The following SHROOM4 variants were observed in gnomAD, a reference collection of about 807,000 sequenced individuals.
The protein encoded by SHROOM4 is shroom family member 4.
Under a neutral mutation model 80.3 loss-of-function variants are expected in SHROOM4, and 17 were observed. The ratio of observed to expected loss-of-function variants is 0.21; its 90% CI spans 0.14 to 0.32. The LOEUF is 0.32. Ranked by LOEUF, SHROOM4 falls within the 10% of genes least tolerant of loss-of-function variation. The pLI is 1.00. For synonymous variants in SHROOM4, 400 were observed against 437.5 expected, an observed-to-expected ratio of 0.91 and a Z score of 1.07; for missense variants, 993 against 1,140.3, an observed-to-expected ratio of 0.87 and a Z score of 1.86.
chrX:50,624,197 G>T (rs782426068), intron 5 of SHROOM4, among the ~76,000 whole-genome samples: 1 of 111,918 alleles, frequency 8.9e-6, no homozygotes, highest in Non-Finnish European at 1.9e-5. Context: ...ACACTTAAAA[G>T]CTGCTTGCAT....
In SHROOM4 at chrX:50,774,056, A is replaced by G. The variant is rs193253793; in HGVS notation, c.117+39846T>C. 5.0e-4 allele frequency among the ~76,000 whole-genome samples: 56 copies of G among 112,015 alleles called. 1 individual carries two copies. The highest frequency in any genetic ancestry group is 6.8e-4 in the Non-Finnish European group (36 of 53,175). On this transcript the variant is annotated intron_variant, in intron 1 of 8. Transcript: ENST00000376020. ...CTCTCTTTTGAGGTTGAATACAGGC[A>G]AGAAGGGCTAGCCTACAAAATAAGC...
chrX:50,650,642 G>A (rs1300642634), intron 2 of SHROOM4, among the ~76,000 whole-genome samples: 1 of 111,452 alleles, frequency 9.0e-6, no homozygotes, highest in Non-Finnish European at 1.9e-5. Context: ...ATAGGCGTGA[G>A]CCACCGCAAC....
At chrX:50,800,422 G>A (rs1267945225) in intron 1 of SHROOM4, among the ~76,000 whole-genome samples, 1 of 111,954 alleles carries the variant, frequency 8.9e-6, no homozygotes, top group Non-Finnish European at 1.9e-5. Context: ...GACAGCCAAA[G>A]TACCCAAAGA....
intron 1 of SHROOM4, among the ~76,000 whole-genome samples, chrX:50,779,726 G>T (rs1362160416): frequency 8.9e-6 from 1 of 111,967 alleles, no homozygotes; most frequent in Non-Finnish European, 1.9e-5. Flanking sequence ...CCTGGACATT[G>T]CTATCTCTGG....
At chrX:50,579,787 G>A in the SHROOM4 span, among the ~76,000 whole-genome samples, 33 of 111,626 alleles carry the variant, frequency 3.0e-4, no homozygotes, top group African/African-American at 9.8e-4. Flanking sequence ...ATAGTGTGAG[G>A]AGGTGCTTGC....
chrX:50,607,385 C>T lies in SHROOM4; in HGVS notation c.3757G>A (p.Ala1253Thr), dbSNP rs143812034. The T allele has an allele frequency of 1.1e-5, 13 of 1,208,687 alleles. No homozygotes were observed. Among genetic ancestry groups the T allele is most frequent in the Admixed American group, 8.8e-5 (4 of 45,668 alleles). ...GTATCTTTCATATGTACTTACTTGG[C>T]GGATTCAGTGGCTTCCTGTCCCGAT... ...RTSGQEATES[A>T]KQEFQHFSPP... Residue 1253 changes from alanine (A) to threonine (T), a missense_variant, in exon 6 of 9, where the codon GCC (alanine) becomes ACC (threonine). Ala to Thr is a moderately conservative substitution (Grantham distance 58). Coordinates refer to ENST00000376020, the MANE Select transcript of SHROOM4 (RefSeq NM_020717.5).
At chrX:50,621,044 C>T (rs1437427161) in intron 5 of SHROOM4, among the ~76,000 whole-genome samples, 17 of 111,629 alleles carry the variant, frequency 1.5e-4, no homozygotes, top group African/African-American at 5.5e-4. Context: ...CTGATGATAT[C>T]CTCCATTTAA....
At chrX:50,710,887 G>A (rs1164170140) in intron 1 of SHROOM4, among the ~76,000 whole-genome samples, 1 of 110,582 alleles carries the variant, frequency 9.0e-6, no homozygotes, top group African/African-American at 3.3e-5. Flanking sequence ...ACACTCCTCT[G>A]AGTATTCTGT....
intron 1 of SHROOM4, among the ~76,000 whole-genome samples, chrX:50,722,260 T>C (rs182357300): frequency 9.2e-6 from 1 of 108,751 alleles, no homozygotes; most frequent in Admixed American, 1.0e-4. Flanking sequence ...AAATCTAGTA[T>C]GGGGGCCCAC....
chrX:50,638,379 C>T, intron 2 of SHROOM4, 71 bp from the exon 3 acceptor site: 1 of 1,159,209 alleles, frequency 8.6e-7, no homozygotes, highest in East Asian at 3.0e-5. Flanking sequence ...GCAGCTTCCG[C>T]CCCACCCCCT....
rs1928864137 is a variant in SHROOM4 at position 50,591,017 on chromosome X, A to G, written c.*5678T>C. 8.9e-6 allele frequency among the ~76,000 whole-genome samples: 1 copy of G among 112,222 alleles called. No individual in the cohort carries two copies. The highest frequency in any genetic ancestry group is 3.2e-5 in the African/African-American group (1 of 30,935). ...TCTTAACATTAGGAAGACTTATTAC[A>G]ATGTTTTCTTCTAAGAATTTTATAA... is the stretch of plus-strand genomic sequence containing the variant. On this transcript the variant is annotated 3_prime_UTR_variant, in exon 9 of 9. Coordinates refer to ENST00000376020, the MANE Select transcript of SHROOM4 (RefSeq NM_020717.5).
At chrX:50,668,114 C>T (rs1932747871) in intron 2 of SHROOM4, among the ~76,000 whole-genome samples, 1 of 112,111 alleles carries the variant, frequency 8.9e-6, no homozygotes, top group African/African-American at 3.2e-5. Flanking sequence ...AGACCAAATA[C>T]AGAGACAGGA....
At chrX:50,619,520 G>A (rs1930487358) in intron 5 of SHROOM4, among the ~76,000 whole-genome samples, 1 of 111,760 alleles carries the variant, frequency 8.9e-6, no homozygotes, top group Admixed American at 9.5e-5. Context: ...AGAAATTCAA[G>A]TAATGAACAA....
intron 2 of SHROOM4, among the ~76,000 whole-genome samples, chrX:50,679,736 C>A (rs1298443667): frequency 2.7e-5 from 3 of 111,734 alleles, no homozygotes; most frequent in Non-Finnish European, 5.7e-5. Flanking sequence ...TTGAAATATA[C>A]AATAAGTTAC....
intron 1 of SHROOM4, among the ~76,000 whole-genome samples, chrX:50,721,360 T>A (rs1934105707): frequency 8.9e-6 from 1 of 112,586 alleles, no homozygotes; most frequent in Non-Finnish European, 1.9e-5. Context: ...TGGTTGCCCA[T>A]TTTTATGGTT....
chrX:50,659,603 A>G (rs1557259781), intron 2 of SHROOM4, among the ~76,000 whole-genome samples: 1 of 112,187 alleles, frequency 8.9e-6, no homozygotes, highest in East Asian at 2.8e-4. Context: ...ACATAGTACA[A>G]AGGCATATAC....
At chrX:50,646,542 G>A (rs1602400615) in intron 2 of SHROOM4, among the ~76,000 whole-genome samples, 1 of 104,261 alleles carries the variant, frequency 9.6e-6, no homozygotes, top group African/African-American at 3.5e-5. Context: ...GTGTGTGTGT[G>A]TGTGTGTGTG....
chrX:50,774,710 T>G (rs1013911290), intron 1 of SHROOM4, among the ~76,000 whole-genome samples: 3 of 110,226 alleles, frequency 2.7e-5, no homozygotes, highest in Admixed American at 9.7e-5. Context: ...TTATTTTATT[T>G]AAAAAGGAAA....
chrX:50,766,713 T>C (rs186523449), intron 1 of SHROOM4, among the ~76,000 whole-genome samples: 1 of 111,772 alleles, frequency 8.9e-6, no homozygotes, highest in Admixed American at 9.5e-5. Flanking sequence ...ACAGGATGGA[T>C]GGATTTGAAT....
Sources: gnomAD v4.1 joint callset for allele counts (sites outside exome capture counted in the v4.1 genomes callset) on GRCh38, gnomAD v4.1.1 for gene constraint, MANE v1.5 for transcripts, NCBI Gene and HGNC (gene_info 2026-07-23, HGNC 2026-07-21) for gene names.